ENPP1: variants seen among roughly 807,000 people sequenced by gnomAD.
The protein encoded by ENPP1 is ectonucleotide pyrophosphatase/phosphodiesterase 1.
ENPP1 carries 73 observed loss-of-function variants against 122.8 expected under a neutral mutation model. That is an observed-to-expected ratio of 0.59 (90% confidence interval 0.49 to 0.72). ENPP1 has a LOEUF of 0.72. Among genes scored for constraint, ENPP1 ranks in the 30% least tolerant of loss-of-function variants. The pLI, the probability that ENPP1 is intolerant of heterozygous loss-of-function variation, is 0.00. For missense variants in ENPP1, 978 were observed against 1,128.1 expected (o/e 0.87, Z 1.91); for synonymous variants, 367 against 391.6 (o/e 0.94, Z 0.74).
chr6:131,826,590 T>G, intron 1 of ENPP1: 1 of 1,085,924 alleles, frequency 9.2e-7, no homozygotes. Flanking sequence ...AAATGGAGTA[T>G]GGAATGCATT....
chr6:131,820,240 T>G (rs748874722), intron 1 of ENPP1: 3 of 179,262 alleles, frequency 1.7e-5, no homozygotes, highest in Middle Eastern at 5.4e-4. Context: ...TATAATGGGA[T>G]CCTGATAAGA....
chr6:131,839,359 G>A (rs556678123), intron 1 of ENPP1, among the ~76,000 whole-genome samples: 37 of 151,870 alleles, frequency 2.4e-4, no homozygotes, highest in Admixed American at 1.5e-3. Flanking sequence ...TACCTCCAAT[G>A]ACTGGTGAAT....
At chr6:131,863,899 AGT>A (rs951603287) in intron 9 of ENPP1, among the ~76,000 whole-genome samples, 2 of 152,116 alleles carry the variant, frequency 1.3e-5, no homozygotes, top group African/African-American at 4.8e-5. Flanking sequence ...CTGGTGACAG[AGT>A]GAGACTCTGT....
chr6:131,828,740 C>G (rs895210607), intron 1 of ENPP1, among the ~76,000 whole-genome samples: 3 of 152,208 alleles, frequency 2.0e-5, no homozygotes, highest in African/African-American at 7.2e-5. Flanking sequence ...ACTCCAGTCC[C>G]GGGCCCCAGG....
rs1410595076 is a variant in ENPP1 at position 131,864,879 on chromosome 6, A to G, written c.1105A>G (p.Thr369Ala). ...LPKDERPHFYTLYLEEPDSSG... is the reference protein window; with the variant it reads ...LPKDERPHFYALYLEEPDSSG... ...TGTTTGATTTAGACCACACTTTTAC[A>G]CTCTGTATTTAGAAGAACCAGATTC... The change falls in exon 11 of 25, where the codon ACT becomes GCT. Residue 369 changes from threonine (T) to alanine (A), a missense_variant. By Grantham distance (58) the Thr-to-Ala change is moderately conservative (BLOSUM62 0). Around this residue, in one of 3 missense-constraint regions of ENPP1, gnomAD observed 644 missense variants for 781.5 expected, o/e 0.82. Coordinates refer to ENST00000647893, the MANE Select transcript of ENPP1 (RefSeq NM_006208.3). The G allele has an allele frequency of 6.2e-7, 1 of 1,600,342 alleles. No individual in the cohort carries two copies. Among genetic ancestry groups the G allele is most frequent in the Admixed American group, 1.7e-5 (1 of 59,966 alleles).
intron 4 of ENPP1, among the ~76,000 whole-genome samples, chr6:131,851,939 A>G (rs542350836): frequency 4.6e-5 from 7 of 152,174 alleles, no homozygotes; most frequent in Non-Finnish European, 1.0e-4. Context: ...CAAATACAGT[A>G]GTATGTTTTA....
intron 1 of ENPP1, among the ~76,000 whole-genome samples, chr6:131,832,856 G>C (rs962622413): frequency 2.4e-5 from 3 of 122,504 alleles, no homozygotes; most frequent in African/African-American, 8.7e-5. Context: ...CTTACATGGA[G>C]GCTGAAGGCT....
chr6:131,877,233 A>C (rs1331046529), intron 18 of ENPP1, 72 bp downstream of exon 18: 11 of 1,420,976 alleles, frequency 7.7e-6, no homozygotes, highest in Non-Finnish European at 1.1e-5. Flanking sequence ...TGTGCTGTAA[A>C]AATACTTAAT....
At chr6:131,874,450 C>A in intron 16 of ENPP1, 113 bp downstream of exon 16, 1 of 668,300 alleles carries the variant, frequency 1.5e-6, no homozygotes, top group South Asian at 1.8e-5. Context: ...ATTAATGGAA[C>A]ATACTTTCAT....
At position 131,867,915 on chromosome 6, in the gene ENPP1, C is replaced by G. The variant is rs140165131; in HGVS notation, c.1165-103C>G. 3,677 of 812,378 alleles carry G rather than the reference C, an allele frequency of 4.5e-3. 56 individuals are homozygous for G. The highest frequency in any genetic ancestry group is 0.039 in the African/African-American group (2,199 of 56,520). The allele number at this position is 812,378 out of a possible 1,614,324, so 50.3% of individuals were successfully genotyped here. On this transcript the variant is annotated intron_variant, in intron 11 of 24. Coordinates refer to ENST00000647893, the MANE Select transcript of ENPP1 (RefSeq NM_006208.3). Reference sequence around the variant, plus strand: ...TCTATCTGTCTGTCTTTCTTTCTTTCTTTGTTTCTTTCTTTTTTTTTTTTT... The same window carrying G: ...TCTATCTGTCTGTCTTTCTTTCTTTGTTTGTTTCTTTCTTTTTTTTTTTTT...
At position 131,886,604 on chromosome 6, in the gene ENPP1, T is replaced by G. The variant is rs752489890; in HGVS notation, c.2487T>G (p.Thr829=). 42 of 1,613,820 alleles carry G rather than the reference T, an allele frequency of 2.6e-5. No individual in the cohort carries two copies. The highest frequency in any genetic ancestry group is 3.5e-5 in the Non-Finnish European group (41 of 1,179,808). ...GTAACCAAGAAATTTTGATTCCAACTCACTTCTTTATTGTGCTAACAAGCT... is the reference window on the plus strand; with the variant it reads ...GTAACCAAGAAATTTTGATTCCAACGCACTTCTTTATTGTGCTAACAAGCT... ...VIRNQEILIP[T]HFFIVLTSCK... is the part of the protein sequence containing the mutation. Residue 829 remains threonine, a synonymous_variant, in exon 24 of 25, where the codon ACT becomes ACG. Coordinates refer to ENST00000647893, the MANE Select transcript of ENPP1 (RefSeq NM_006208.3).
intron 7 of ENPP1, among the ~76,000 whole-genome samples, chr6:131,860,023 T>TGA (rs1358321988): frequency 6.6e-6 from 1 of 152,072 alleles, no homozygotes. Context: ...CCTGCAGGGT[T>TGA]TCACCATGTT....
chr6:131,873,616 A>G (rs1211191921), intron 15 of ENPP1, among the ~76,000 whole-genome samples: 1 of 151,960 alleles, frequency 6.6e-6, no homozygotes, highest in African/African-American at 2.4e-5. Context: ...ACTTTAGTTT[A>G]TTGGTGTGTT....
At chr6:131,845,043 G>GT (rs142380855) in intron 1 of ENPP1, among the ~76,000 whole-genome samples, 2,259 of 84,940 alleles carry the variant, frequency 0.027, 237 homozygotes, top group Non-Finnish European at 0.038. Context: ...ATTCTTCATG[G>GT]TTTTTTTTTT....
chr6:131,815,618 T>C (rs1269541950), intron 1 of ENPP1, among the ~76,000 whole-genome samples: 4 of 152,174 alleles, frequency 2.6e-5, no homozygotes, highest in Admixed American at 2.0e-4. Flanking sequence ...GGTGGTCACA[T>C]TGAGAGACCT....
chr6:131,834,019 A>G (rs1224282660), intron 1 of ENPP1, among the ~76,000 whole-genome samples: 1 of 152,180 alleles, frequency 6.6e-6, no homozygotes, highest in East Asian at 1.9e-4. Flanking sequence ...TATTGATGAA[A>G]TGCTTGTGTC....
chr6:131,865,825 C>A (rs940582054), intron 11 of ENPP1, among the ~76,000 whole-genome samples: 1 of 152,012 alleles, frequency 6.6e-6, no homozygotes, highest in Admixed American at 6.5e-5. Context: ...AAAACCCTGT[C>A]TCTACTAAAA....
chr6:131,846,645 T>G (rs1781814832), intron 1 of ENPP1, among the ~76,000 whole-genome samples: 1 of 152,258 alleles, frequency 6.6e-6, no homozygotes. Flanking sequence ...TGTGCTGTTT[T>G]TAACTTCTCC....
chr6:131,866,816 G>C (rs1318340253), intron 11 of ENPP1, among the ~76,000 whole-genome samples: 1 of 152,208 alleles, frequency 6.6e-6, no homozygotes, highest in Non-Finnish European at 1.5e-5. Flanking sequence ...AAAGGGAAAA[G>C]TTTCTTGTAG....
Sources: allele counts gnomAD v4.1 joint callset (sites outside exome capture counted in the v4.1 genomes callset), GRCh38; gene constraint gnomAD v4.1.1; regional missense constraint gnomAD v4.1.1; transcripts MANE v1.5; gene names NCBI Gene and HGNC (gene_info 2026-07-23, HGNC 2026-07-21).